BRINP3: variants seen among roughly 807,000 people sequenced by gnomAD.
BRINP3 encodes BMP/retinoic acid-inducible neural-specific protein 3.
Under a neutral mutation model 71.0 loss-of-function variants are expected in BRINP3, and 19 were observed. The observed-to-expected ratio is 0.27, with a 90% CI of 0.19 to 0.39. The LOEUF (loss-of-function observed/expected upper bound fraction) is 0.39, where lower values mean the gene tolerates loss of function less well. Ranked by LOEUF, BRINP3 falls within the 10% of genes least tolerant of loss-of-function variation. BRINP3 has a pLI of 1.00. For synonymous variants in BRINP3, 380 were observed against 337.7 expected (o/e 1.13, Z -1.37); for missense variants, 959 against 940.8 (o/e 1.02, Z -0.25).
In BRINP3 at chr1:190,261,576, G is replaced by C. The variant is rs193113704; in HGVS notation, c.618+3289C>G. Among the ~76,000 whole-genome samples the C allele has an allele frequency of 1.5e-3, 231 of 152,114 alleles. 4 individuals are homozygous for C. Among genetic ancestry groups the C allele is most frequent in the Admixed American group, 0.013 (202 of 15,266 alleles). ...TGTAAGAATTAGCGTGATAAAAGCTGGCATGATTTTGTAGATCTAATTATA... is the reference window on the plus strand; with the variant it reads ...TGTAAGAATTAGCGTGATAAAAGCTCGCATGATTTTGTAGATCTAATTATA... On this transcript the variant is annotated intron_variant, in intron 4 of 7. Transcript: ENST00000367462.
At chr1:190,236,328 T>C (rs574544893) in intron 4 of BRINP3, among the ~76,000 whole-genome samples, 2 of 152,100 alleles carry the variant, frequency 1.3e-5, no homozygotes, top group Admixed American at 1.3e-4. Context: ...ATGTTGACTC[T>C]CTTTGATGAA....
At chr1:190,260,238 T>C (rs1051546094) in intron 4 of BRINP3, among the ~76,000 whole-genome samples, 2 of 151,984 alleles carry the variant, frequency 1.3e-5, no homozygotes, top group Non-Finnish European at 2.9e-5. Flanking sequence ...GACATGAAGA[T>C]TATAGTTAAA....
At chr1:190,348,791 C>A (rs1206289147) in intron 2 of BRINP3, among the ~76,000 whole-genome samples, 1 of 152,126 alleles carries the variant, frequency 6.6e-6, no homozygotes, top group Non-Finnish European at 1.5e-5. Context: ...AGCAGACACA[C>A]TTCTTCAGAG....
chr1:190,286,798 A>C lies in BRINP3; in HGVS notation c.237-5048T>G, dbSNP rs1246315934. On this transcript the variant is annotated intron_variant, in intron 2 of 7. Coordinates refer to ENST00000367462, the MANE Select transcript of BRINP3 (RefSeq NM_199051.3). Reference sequence around the variant, plus strand: ...CAAAAATCACAAATTAACTTGCCAAACTTTAATAACGATAACATTCTAATT... The same window carrying C: ...CAAAAATCACAAATTAACTTGCCAACCTTTAATAACGATAACATTCTAATT... 2.0e-5 allele frequency among the ~76,000 whole-genome samples: 3 copies of C among 152,140 alleles called. No homozygotes were observed. The East Asian group carries it at 5.8e-4, about 29-fold the overall frequency.
At chr1:190,277,874 A>G (rs529438592) in intron 3 of BRINP3, among the ~76,000 whole-genome samples, 43 of 151,866 alleles carry the variant, frequency 2.8e-4, no homozygotes, top group African/African-American at 9.6e-4. Flanking sequence ...ATTATCCAAA[A>G]TAGAAGCAAA....
At chr1:190,260,311 GA>G (rs568301345) in intron 4 of BRINP3, among the ~76,000 whole-genome samples, 14 of 151,870 alleles carry the variant, frequency 9.2e-5, no homozygotes, top group Non-Finnish European at 1.9e-4. Context: ...TCACCACAAA[GA>G]AAAAAAGTAT....
At chr1:190,105,748 A>G (rs10800889) in intron 7 of BRINP3, among the ~76,000 whole-genome samples, 80,686 of 151,714 alleles carry the variant, frequency 0.53, 21,970 homozygotes, top group African/African-American at 0.63. Flanking sequence ...TTACTTCTCA[A>G]AGAGCTATAG....
intron 4 of BRINP3, among the ~76,000 whole-genome samples, chr1:190,253,677 C>T (rs1012908873): frequency 2.0e-5 from 3 of 152,144 alleles, no homozygotes; most frequent in Non-Finnish European, 2.9e-5. Context: ...TGGATATTAG[C>T]CCTTTGTCAG....
At chr1:190,292,034 A>C (rs1001745990) in intron 2 of BRINP3, among the ~76,000 whole-genome samples, 1 of 152,152 alleles carries the variant, frequency 6.6e-6, no homozygotes, top group African/African-American at 2.4e-5. Flanking sequence ...GTTAAGTGAA[A>C]TAAGCCAGGT....
chr1:190,223,775 A>G (rs189297559), intron 6 of BRINP3, among the ~76,000 whole-genome samples: 9 of 151,794 alleles, frequency 5.9e-5, no homozygotes, highest in African/African-American at 2.2e-4. Flanking sequence ...CCTAGAAAAA[A>G]CCTCAATAAA....
chr1:190,243,669 G>A (rs1053836187), intron 4 of BRINP3, among the ~76,000 whole-genome samples: 4 of 152,062 alleles, frequency 2.6e-5, no homozygotes, highest in African/African-American at 9.7e-5. Context: ...CTGGTTCAGG[G>A]CTGTGGCATT....
intron 6 of BRINP3, among the ~76,000 whole-genome samples, chr1:190,180,400 T>A (rs1571924713): frequency 6.6e-6 from 1 of 152,140 alleles, no homozygotes; most frequent in South Asian, 2.1e-4. Context: ...AAACTGAGTG[T>A]GAGCTACAAC....
chr1:190,216,017 C>CAA (rs1177645401), intron 6 of BRINP3, among the ~76,000 whole-genome samples: 53 of 129,662 alleles, frequency 4.1e-4, no homozygotes, highest in Middle Eastern at 4.0e-3. Flanking sequence ...TTTATTTATC[C>CAA]AAAAAAAAAA....
At chr1:190,159,594 C>T (rs945914221) in intron 7 of BRINP3, among the ~76,000 whole-genome samples, 9 of 151,974 alleles carry the variant, frequency 5.9e-5, no homozygotes, top group Non-Finnish European at 8.8e-5. Flanking sequence ...ATATATTGTA[C>T]GATCCCATTT....
chr1:190,431,032 C>T (rs1674065906), intron 2 of BRINP3, among the ~76,000 whole-genome samples: 1 of 151,800 alleles, frequency 6.6e-6, no homozygotes, highest in Non-Finnish European at 1.5e-5. Flanking sequence ...GTGGTAATTA[C>T]TGGAAGGTCT....
intron 6 of BRINP3, among the ~76,000 whole-genome samples, chr1:190,198,210 T>C (rs1426108580): frequency 1.3e-5 from 2 of 151,982 alleles, no homozygotes; most frequent in Non-Finnish European, 2.9e-5. Context: ...GCCCAGAAAA[T>C]CATTTTTTTC....
chr1:190,355,830 CTT>C (rs1668692494), intron 2 of BRINP3, among the ~76,000 whole-genome samples: 1 of 151,878 alleles, frequency 6.6e-6, no homozygotes, highest in Non-Finnish European at 1.5e-5. Context: ...ATAGAACTGA[CTT>C]GACTCATTCT....
At chr1:190,235,768 A>T (rs1658457030) in intron 4 of BRINP3, among the ~76,000 whole-genome samples, 1 of 152,010 alleles carries the variant, frequency 6.6e-6, no homozygotes, top group East Asian at 1.9e-4. Flanking sequence ...TACTTGGACT[A>T]ACCTACTTAA....
intron 7 of BRINP3, among the ~76,000 whole-genome samples, chr1:190,133,192 T>C (rs1654682851): frequency 6.6e-6 from 1 of 152,148 alleles, no homozygotes; most frequent in Non-Finnish European, 1.5e-5. Context: ...ACTAGCATTT[T>C]ATAGATTATA....
Sources: gnomAD v4.1 joint callset for allele counts (sites outside exome capture counted in the v4.1 genomes callset) on GRCh38, gnomAD v4.1.1 for gene constraint, MANE v1.5 for transcripts, NCBI Gene and HGNC (gene_info 2026-07-23, HGNC 2026-07-21) for gene names.